The following WAC variants were observed in gnomAD, a reference collection of about 807,000 sequenced individuals.
The protein encoded by WAC is WW domain containing adaptor with coiled-coil, also known as WW domain-containing adapter protein with coiled-coil.
Under a neutral mutation model 79.6 loss-of-function variants are expected in WAC, and 11 were observed. The ratio of observed to expected loss-of-function variants is 0.14; its 90% CI spans 0.09 to 0.23. WAC has a LOEUF of 0.23. Ranked by LOEUF, WAC falls within the 10% of genes least tolerant of loss-of-function variation. The pLI, the probability that WAC is intolerant of heterozygous loss-of-function variation, is 1.00. For synonymous variants in WAC, 304 were observed against 276.9 expected (o/e 1.10, Z -0.97); for missense variants, 728 against 773.5 (o/e 0.94, Z 0.70).
intron 6 of WAC, among the ~76,000 whole-genome samples, chr10:28,595,145 G>T (rs1840291461): frequency 6.6e-6 from 1 of 152,098 alleles, no homozygotes; most frequent in South Asian, 2.1e-4. Flanking sequence ...CTACAGATTG[G>T]TTTACTTACT....
At chr10:28,603,267 T>G (rs1190807330) in intron 7 of WAC, among the ~76,000 whole-genome samples, 1 of 152,336 alleles carries the variant, frequency 6.6e-6, no homozygotes, top group East Asian at 1.9e-4. Context: ...TAAGAAAATT[T>G]ACAAATTTGT....
intron 3 of WAC, among the ~76,000 whole-genome samples, chr10:28,580,392 G>A (rs1021354201): frequency 2.0e-5 from 3 of 152,186 alleles, no homozygotes; most frequent in African/African-American, 2.4e-5. Flanking sequence ...CATGAGAGAG[G>A]TCAATAGACC....
rs1242266332 is a variant in WAC, at chr10:28,595,745, A to G, written c.623A>G (p.His208Arg). 3.1e-6 allele frequency: 5 copies of G among 1,612,632 alleles called. No individual in the cohort carries two copies. The African/African-American group carries it at 5.3e-5, about 17-fold the overall frequency. ...SGFASGMEDKHSSDASSLLPQ... is the reference protein window; with the variant it reads ...SGFASGMEDKRSSDASSLLPQ... ...CTGTGAACTAAAGTGGAAGACAAGCATTCCAGTGATGCCAGTAGTTTGCTC... is the reference window on the plus strand; with the variant it reads ...CTGTGAACTAAAGTGGAAGACAAGCGTTCCAGTGATGCCAGTAGTTTGCTC... Residue 208 changes from histidine (H) to arginine (R), a missense_variant, in exon 7 of 14, where the codon CAT becomes CGT. This residue lies in a region of WAC where 648 missense variants were observed against 661.5 expected (regional missense o/e 0.98). Coordinates refer to ENST00000354911, the MANE Select transcript of WAC (RefSeq NM_016628.5).
intron 3 of WAC, among the ~76,000 whole-genome samples, chr10:28,580,378 ACCT>A (rs1281265335): frequency 1.3e-5 from 2 of 152,186 alleles, no homozygotes; most frequent in Non-Finnish European, 2.9e-5. Context: ...CTGGATCTTA[ACCT>A]CATGAGAGAG....
chr10:28,605,361 T>G (rs1035630706), intron 7 of WAC, among the ~76,000 whole-genome samples: 3 of 152,230 alleles, frequency 2.0e-5, no homozygotes, highest in African/African-American at 7.2e-5. Context: ...TAAATGTGGC[T>G]TGGAGCCCAG....
intron 3 of WAC, among the ~76,000 whole-genome samples, chr10:28,574,441 C>T (rs370683438): frequency 2.6e-5 from 4 of 151,966 alleles, no homozygotes; most frequent in African/African-American, 9.7e-5. Context: ...AGCCAGTGTG[C>T]ACGGCCTGTT....
chr10:28,568,107 G>A (rs1350016127), intron 3 of WAC, among the ~76,000 whole-genome samples: 1 of 152,162 alleles, frequency 6.6e-6, no homozygotes, highest in African/African-American at 2.4e-5. Context: ...GACTTGCCTT[G>A]TTAGATTTGA....
At chr10:28,561,901 C>T (rs943145191) in intron 3 of WAC, among the ~76,000 whole-genome samples, 3 of 152,110 alleles carry the variant, frequency 2.0e-5, no homozygotes, top group African/African-American at 4.8e-5. Flanking sequence ...ATCGTTTCAC[C>T]CCAAAACCAT....
chr10:28,599,110 C>A (rs1449437413), intron 7 of WAC, among the ~76,000 whole-genome samples: 1 of 152,108 alleles, frequency 6.6e-6, no homozygotes, highest in Non-Finnish European at 1.5e-5. Context: ...ACGGAGACAT[C>A]CATGTTATTT....
chr10:28,555,860 T>C (rs1243047869), intron 3 of WAC, among the ~76,000 whole-genome samples: 1 of 152,172 alleles, frequency 6.6e-6, no homozygotes, highest in Admixed American at 6.5e-5. Flanking sequence ...CACCATGCTG[T>C]ACAACTTTCC....
chr10:28,585,625 T>C (rs1269038712), intron 4 of WAC, among the ~76,000 whole-genome samples: 1 of 151,742 alleles, frequency 6.6e-6, no homozygotes, highest in Non-Finnish European at 1.5e-5. Context: ...CAGTGAGATG[T>C]ATATTCAGGA....
intron 8 of WAC, among the ~76,000 whole-genome samples, chr10:28,610,397 A>T (rs1049497226): frequency 2.0e-5 from 3 of 152,102 alleles, no homozygotes; most frequent in African/African-American, 4.8e-5. Flanking sequence ...ACATAATTGG[A>T]AGTTCCTGTG....
intron 3 of WAC, among the ~76,000 whole-genome samples, chr10:28,570,118 A>C (rs1838862338): frequency 6.6e-6 from 1 of 152,236 alleles, no homozygotes; most frequent in Non-Finnish European, 1.5e-5. Context: ...GAATTTACTT[A>C]AAGTTTTCCT....
intron 3 of WAC, among the ~76,000 whole-genome samples, 160 bp from the exon 4 acceptor site, chr10:28,583,239 T>C (rs536020361): frequency 3.7e-4 from 56 of 152,168 alleles, no homozygotes; most frequent in Admixed American, 7.2e-4. Flanking sequence ...TCACAGATAC[T>C]TTATATACTA....
chr10:28,545,559 G>C (rs1193224915), intron 3 of WAC, among the ~76,000 whole-genome samples: 1 of 152,204 alleles, frequency 6.6e-6, no homozygotes. Context: ...TTTAGGGAGA[G>C]TACACAGAAG....
chr10:28,571,235 A>G (rs934350145), intron 3 of WAC, among the ~76,000 whole-genome samples: 15 of 152,000 alleles, frequency 9.9e-5, no homozygotes, highest in African/African-American at 3.4e-4. Context: ...TGGCCCTTAA[A>G]TATATACTTT....
chr10:28,561,908 C>T (rs1342786916), intron 3 of WAC, among the ~76,000 whole-genome samples: 2 of 152,246 alleles, frequency 1.3e-5, no homozygotes, highest in South Asian at 4.2e-4. Flanking sequence ...CACCCCAAAA[C>T]CATCAACACC....
At chr10:28,541,415 GT>G (rs143772149) in intron 3 of WAC, among the ~76,000 whole-genome samples, 784 of 37,802 alleles carry the variant, frequency 0.021, 29 homozygotes, top group Middle Eastern at 0.087. Flanking sequence ...GTGTGTGTGT[GT>G]TTTGTTTTTT....
chr10:28,559,784 T>C (rs1838203901), intron 3 of WAC, among the ~76,000 whole-genome samples: 1 of 152,168 alleles, frequency 6.6e-6, no homozygotes, highest in Non-Finnish European at 1.5e-5. Context: ...AAGAGGTGAT[T>C]AGTTAGCTTG....
Sources: allele counts gnomAD v4.1 joint callset (sites outside exome capture counted in the v4.1 genomes callset), GRCh38; gene constraint gnomAD v4.1.1; regional missense constraint gnomAD v4.1.1; transcripts MANE v1.5; gene names NCBI Gene and HGNC (gene_info 2026-07-23, HGNC 2026-07-21).